LRP2: variants seen among roughly 807,000 people sequenced by gnomAD.
The protein encoded by LRP2 is low-density lipoprotein receptor-related protein 2.
A neutral mutation model predicts 531.0 loss-of-function variants in LRP2; 172 were observed. That is an observed-to-expected ratio of 0.32 (90% CI 0.29 to 0.37). LRP2 has a LOEUF of 0.37. Ranked by LOEUF, LRP2 falls within the 10% of genes least tolerant of loss-of-function variation. The pLI, the probability that LRP2 is intolerant of heterozygous loss-of-function variation, is 1.00. For synonymous variants in LRP2, 1,992 were observed against 2,027.6 expected, an observed-to-expected ratio of 0.98 and a Z score of 0.47; for missense variants, 5,167 against 5,868.3, an observed-to-expected ratio of 0.88 and a Z score of 3.90.
At chr2:169,255,520 T>C (rs917423388) in intron 19 of LRP2, among the ~76,000 whole-genome samples, 1 of 127,260 alleles carries the variant, frequency 7.9e-6, no homozygotes, top group Non-Finnish European at 1.7e-5. Flanking sequence ...TTTGGAAAGG[T>C]TGACGAAAAA....
chr2:169,312,100 G>A (rs566411158), intron 3 of LRP2, among the ~76,000 whole-genome samples: 12 of 152,128 alleles, frequency 7.9e-5, no homozygotes, highest in African/African-American at 2.9e-4. Flanking sequence ...GTGTGTCTCT[G>A]CACGTGAGAT....
chr2:169,172,121 G>T lies in LRP2; in HGVS notation c.11157C>A (p.Cys3719Ter). 1 of 1,614,170 alleles carries T rather than the reference G, an allele frequency of 6.2e-7. No individual in the cohort carries two copies. The highest frequency in any genetic ancestry group is 8.5e-7 in the Non-Finnish European group (1 of 1,180,008). The change falls in exon 58 of 79, where the codon TGC becomes TGA. Residue 3719 changes from cysteine (C) to a stop codon, truncating the protein, a stop_gained. Coordinates refer to ENST00000649046, the MANE Select transcript of LRP2 (RefSeq NM_004525.3). LOFTEE classifies it high-confidence loss of function. ...TACAGCGGAAATCCCCCACAGGATGGCATGTCCTCTCCTCTGCAAAGCAGT... is the reference window on the plus strand; with the variant it reads ...TACAGCGGAAATCCCCCACAGGATGTCATGTCCTCTCCTCTGCAAAGCAGT... ...SDEQGCEERTCHPVGDFRCKN... is the reference protein window; with the variant it reads ...SDEQGCEERT
At chr2:169,134,615 C>A (rs1037313238) in intron 76 of LRP2, among the ~76,000 whole-genome samples, 1 of 152,130 alleles carries the variant, frequency 6.6e-6, no homozygotes, top group Non-Finnish European at 1.5e-5. Context: ...TTGAGGCTAC[C>A]GCTCTGCCCC....
chr2:169,270,057 T>C (rs889882114), intron 16 of LRP2, among the ~76,000 whole-genome samples: 1 of 152,142 alleles, frequency 6.6e-6, no homozygotes, highest in African/African-American at 2.4e-5. Flanking sequence ...CACAATGAGA[T>C]ACCATCTCAC....
intron 26 of LRP2, among the ~76,000 whole-genome samples, chr2:169,238,557 A>G (rs997125622): frequency 3.4e-5 from 5 of 145,838 alleles, no homozygotes; most frequent in Non-Finnish European, 7.4e-5. Flanking sequence ...GTTTCTAAAT[A>G]CTAGTCTAGA....
At chr2:169,135,625 C>A (rs186128788) in intron 76 of LRP2, among the ~76,000 whole-genome samples, 318 of 152,272 alleles carry the variant, frequency 2.1e-3, no homozygotes, top group African/African-American at 7.3e-3. Context: ...AAAAACACAC[C>A]TCACCAAGCT....
intron 52 of LRP2, 94 bp downstream of exon 52, chr2:169,181,354 T>C (rs1687423321): frequency 7.9e-7 from 1 of 1,272,566 alleles, no homozygotes; most frequent in Non-Finnish European, 1.1e-6. Flanking sequence ...ACAGGCCAGT[T>C]AGACAATAGA....
intron 1 of LRP2, among the ~76,000 whole-genome samples, chr2:169,322,948 T>C (rs144717794): frequency 7.8e-4 from 119 of 152,328 alleles, no homozygotes; most frequent in Non-Finnish European, 1.4e-3. Flanking sequence ...AAGCAACTTT[T>C]ATTACAAGTC....
intron 16 of LRP2, among the ~76,000 whole-genome samples, chr2:169,265,519 AATGTC>A (rs1690764005): frequency 6.6e-6 from 1 of 152,112 alleles, no homozygotes; most frequent in Non-Finnish European, 1.5e-5. Context: ...ATTAATTTTT[AATGTC>A]ATATCCATAT....
At chr2:169,259,839 T>A (rs1027032891) in intron 16 of LRP2, among the ~76,000 whole-genome samples, 7 of 152,052 alleles carry the variant, frequency 4.6e-5, no homozygotes, top group Non-Finnish European at 2.9e-5. Context: ...TGAATCAGAA[T>A]AAACAGCCAT....
Position 169,279,488 on chromosome 2 carries a change from T to C in LRP2, c.1449A>G (p.Leu483=), listed in dbSNP as rs774205061. Residue 483 remains leucine, a synonymous_variant, in exon 12 of 79, where the codon CTA becomes CTG. Coordinates refer to ENST00000649046, the MANE Select transcript of LRP2 (RefSeq NM_004525.3). ...AVDWVNNKIY[L]VETKVNRIDM... ...CTATGCGGTTGACCTTGGTTTCCAC[T>C]AGATAGATTTTATTATTAACCCAGT... The C allele has an allele frequency of 1.9e-6, 3 of 1,613,816 alleles. No individual in the cohort carries two copies. The highest frequency in any genetic ancestry group is 2.5e-6 in the Non-Finnish European group (3 of 1,179,740).
chr2:169,346,920 C>A (rs1035323159), intron 1 of LRP2, among the ~76,000 whole-genome samples: 3 of 152,288 alleles, frequency 2.0e-5, no homozygotes, highest in East Asian at 1.9e-4. Context: ...ATACTAGAAG[C>A]TTTTAAGTTC....
chr2:169,128,657 G>A lies in LRP2; in HGVS notation c.*6C>T. Reference sequence around the variant, plus strand: ...TTTCTAATTATTCCCTAAATAGCTGGTATAGCTATACTTCAGAGTCTTCTT... The same window carrying A: ...TTTCTAATTATTCCCTAAATAGCTGATATAGCTATACTTCAGAGTCTTCTT... On this transcript the variant is annotated 3_prime_UTR_variant, in exon 79 of 79. Coordinates refer to ENST00000649046, the MANE Select transcript of LRP2 (RefSeq NM_004525.3). 2 of 1,611,456 alleles carry A rather than the reference G, an allele frequency of 1.2e-6. No individual in the cohort carries two copies. The highest frequency in any genetic ancestry group is 2.2e-5 in the South Asian group (2 of 91,046).
chr2:169,137,861 AG>A (rs1404564093), intron 75 of LRP2, among the ~76,000 whole-genome samples: 1 of 152,078 alleles, frequency 6.6e-6, no homozygotes, highest in Admixed American at 6.6e-5. Flanking sequence ...ATAAGGAGAG[AG>A]GGGAAGGAAA....
chr2:169,151,177 C>A (rs1173668609), intron 67 of LRP2, 151 bp from the exon 68 acceptor site: 15 of 852,150 alleles, frequency 1.8e-5, no homozygotes, highest in Non-Finnish European at 2.8e-5. Flanking sequence ...CTTGGGGGAA[C>A]TACAGCCAAG....
chr2:169,182,338 A>T lies in LRP2; in HGVS notation c.9846-19T>A. ...GAGCTTTCTAAAATGGAGAGCCAGG[A>T]GTTAACCAATACAGTCACTTTGTGA... On this transcript the variant is annotated intron_variant, in intron 50 of 78. Coordinates refer to ENST00000649046, the MANE Select transcript of LRP2 (RefSeq NM_004525.3). 6.2e-7 allele frequency: 1 copy of T among 1,612,678 alleles called. No homozygotes were observed. The highest frequency in any genetic ancestry group is 8.5e-7 in the Non-Finnish European group (1 of 1,179,822).
intron 4 of LRP2, among the ~76,000 whole-genome samples, chr2:169,301,608 C>T (rs1684286549): frequency 6.6e-6 from 1 of 152,012 alleles, no homozygotes; most frequent in Non-Finnish European, 1.5e-5. Context: ...GATAAAAAGA[C>T]CAAACGCAAT....
In LRP2 at chr2:169,194,930, C is replaced by T. The variant is rs565511438; in HGVS notation, c.8699-1038G>A. ...TTCACCATGTTGGCCAGGATGGTCT[C>T]GATCTCTTGACCTTGTGATCCGCCT... On this transcript the variant is annotated intron_variant, in intron 46 of 78. Transcript: ENST00000649046. 4.6e-5 allele frequency among the ~76,000 whole-genome samples: 7 copies of T among 150,784 alleles called. No homozygotes were observed. In the South Asian group the frequency reaches 8.4e-4, roughly 18 times the overall value.
rs1394819081 is a variant in LRP2 at position 169,313,378 on chromosome 2, G to T, written c.310+5384C>A. 2.6e-5 allele frequency among the ~76,000 whole-genome samples: 4 copies of T among 152,196 alleles called. No individual in the cohort carries two copies. The East Asian group carries it at 7.7e-4, about 29-fold the overall frequency. On this transcript the variant is annotated intron_variant, in intron 3 of 78. Transcript: ENST00000649046. ...TGGTCTTTGATGATGGTGATGTACA[G>T]ATGGGGTCTTGGTGTAGATGCCCTT...
Sources: gnomAD v4.1 joint callset for allele counts (sites outside exome capture counted in the v4.1 genomes callset) on GRCh38, gnomAD v4.1.1 for gene constraint, MANE v1.5 for transcripts, NCBI Gene and HGNC (gene_info 2026-07-23, HGNC 2026-07-21) for gene names.